Variants in EYS observed in about 807,000 individuals in gnomAD.
The protein encoded by EYS is EGF-like photoreceptor maintenance factor, also known as protein eyes shut homolog.
EYS carries 250 observed loss-of-function variants against 282.1 expected under a neutral mutation model. That is an observed-to-expected ratio of 0.89 (90% CI 0.80 to 0.98). The LOEUF is 0.98. Ranked by LOEUF, EYS falls within the 50% of genes least tolerant of loss-of-function variation. EYS has a pLI of 0.00. For synonymous variants in EYS, 1,355 were observed against 1,282.9 expected, an observed-to-expected ratio of 1.06 and a Z score of -1.20; for missense variants, 4,016 against 3,709.0, an observed-to-expected ratio of 1.08 and a Z score of -2.15.
At chr6:63,834,030 C>A (rs892711339) in intron 36 of EYS, among the ~76,000 whole-genome samples, 5 of 152,160 alleles carry the variant, frequency 3.3e-5, no homozygotes, top group Non-Finnish European at 5.9e-5. Context: ...AAACTGGATT[C>A]CTTCCTTACA....
intron 11 of EYS, chr6:65,300,733 C>G (rs186778808): frequency 6.6e-6 from 1 of 152,182 alleles, no homozygotes; most frequent in Non-Finnish European, 1.5e-5. Context: ...TTTAAGAACT[C>G]TCTAATTCTC....
intron 36 of EYS, among the ~76,000 whole-genome samples, chr6:63,812,022 C>G (rs756921338): frequency 9.2e-5 from 14 of 152,170 alleles, no homozygotes; most frequent in Non-Finnish European, 1.6e-4. Flanking sequence ...GTGTTGCTAC[C>G]TTTATCACTT....
intron 12 of EYS, among the ~76,000 whole-genome samples, chr6:65,199,138 CA>C (rs1376025406): frequency 6.6e-6 from 1 of 152,064 alleles, no homozygotes; most frequent in Non-Finnish European, 1.5e-5. Context: ...AGATCTACCC[CA>C]ATGAGATGCT....
chr6:65,182,681 T>C (rs1056310438), intron 12 of EYS, among the ~76,000 whole-genome samples: 1 of 151,968 alleles, frequency 6.6e-6, no homozygotes, highest in Non-Finnish European at 1.5e-5. Flanking sequence ...AGTAGATATA[T>C]AATTTTTTAT....
At position 65,295,908 on chromosome 6, in the gene EYS, G is replaced by A; in HGVS notation, c.1978C>T (p.His660Tyr). 1 of 1,550,266 alleles carries A rather than the reference G, an allele frequency of 6.5e-7. No individual in the cohort carries two copies. The highest frequency in any genetic ancestry group is 8.7e-7 in the Non-Finnish European group (1 of 1,146,264). The part of the protein sequence containing the change: ...ASCKNGTTST[H>Y]LRGYFFRKCV... The stretch of plus-strand genomic sequence containing the variant: ...TTGCGGAAGAAATATCCCCTTAAAT[G>A]TGTACTAGTTGTTCCATTTTTGCAG... The change falls in exon 12 of 43, where the codon CAT becomes TAT. Residue 660 changes from histidine (H) to tyrosine (Y), a missense_variant. Transcript: ENST00000503581.
At chr6:65,354,898 A>G (rs542367650) in intron 8 of EYS, among the ~76,000 whole-genome samples, 2 of 151,972 alleles carry the variant, frequency 1.3e-5, no homozygotes, top group Non-Finnish European at 2.9e-5. Flanking sequence ...AATGATTACC[A>G]AAAAATACAA....
intron 19 of EYS, among the ~76,000 whole-genome samples, chr6:64,866,045 T>A (rs1267015779): frequency 6.6e-6 from 1 of 152,040 alleles, no homozygotes; most frequent in Non-Finnish European, 1.5e-5. Context: ...AGATTATGAT[T>A]TATTACCAGA....
At chr6:64,060,615 G>T (rs897876857) in intron 33 of EYS, among the ~76,000 whole-genome samples, 4 of 152,064 alleles carry the variant, frequency 2.6e-5, no homozygotes, top group African/African-American at 9.7e-5. Flanking sequence ...AAACAACTGT[G>T]AGAAATGAGC....
intron 30 of EYS, among the ~76,000 whole-genome samples, chr6:64,272,909 A>T (rs1767989121): frequency 6.6e-6 from 1 of 152,102 alleles, no homozygotes; most frequent in Admixed American, 6.5e-5. Flanking sequence ...TTTGGTATTA[A>T]TATGTAGAAA....
intron 13 of EYS, among the ~76,000 whole-genome samples, chr6:65,000,538 G>A (rs750371921): frequency 2.0e-5 from 3 of 152,274 alleles, no homozygotes; most frequent in East Asian, 1.9e-4. Context: ...TCGGGAGGCC[G>A]AGGCAGGTGG....
intron 30 of EYS, among the ~76,000 whole-genome samples, chr6:64,277,188 C>A (rs1363190104): frequency 6.6e-6 from 1 of 152,084 alleles, no homozygotes; most frequent in Non-Finnish European, 1.5e-5. Context: ...TCTCCTAATG[C>A]TTGTCCCCCA....
chr6:64,295,406 G>A (rs71570669), intron 30 of EYS, among the ~76,000 whole-genome samples: 2 of 68 alleles, frequency 0.029, no homozygotes, highest in Non-Finnish European at 0.12. Flanking sequence ...GAAGAGGAAG[G>A]AGAGGAAAGA....
chr6:63,727,154 A>ATT (rs56938467), intron 41 of EYS, among the ~76,000 whole-genome samples: 1,748 of 148,660 alleles, frequency 0.012, 30 homozygotes, highest in African/African-American at 0.041. Context: ...TAATATATTG[A>ATT]TTTTTTTTTT....
chr6:64,826,618 C>T (rs899729929), intron 19 of EYS, among the ~76,000 whole-genome samples: 11 of 150,344 alleles, frequency 7.3e-5, no homozygotes, highest in East Asian at 3.9e-4. Context: ...AAAACATTTT[C>T]GTGCATCAAC....
rs1415764207 is a variant in EYS at position 65,373,968 on chromosome 6, T to C, written c.1299+10418A>G. 4.6e-5 allele frequency among the ~76,000 whole-genome samples: 7 copies of C among 152,322 alleles called. No individual in the cohort carries two copies. In the East Asian group the frequency reaches 1.2e-3, roughly 25 times the overall value. ...ATACTGTCTCAATTTTCCTTTGTGA[T>C]ACAGAAATATAAACTGCGTATGCTT... On this transcript the variant is annotated intron_variant, in intron 8 of 42. Transcript: ENST00000503581.
At position 64,249,766 on chromosome 6, in the gene EYS, G is replaced by A. The variant is rs149998180; in HGVS notation, c.6192-18942C>T. 1.3e-3 allele frequency among the ~76,000 whole-genome samples: 192 copies of A among 152,246 alleles called. 1 individual carries two copies. Among genetic ancestry groups the A allele is most frequent in the African/African-American group, 4.3e-3 (180 of 41,552 alleles). ...TCCTGGAGAGAGGAATGCATCTACC[G>A]CAAACTTGTACTTAACGGATAGAGA... is the stretch of plus-strand genomic sequence containing the variant. On this transcript the variant is annotated intron_variant, in intron 30 of 42. Transcript: ENST00000503581.
rs149956291 is a variant in EYS at position 64,175,128 on chromosome 6, A to G, written c.6424+55464T>C. ...TTTTCTTGTTATAAATTTATTCCTG[A>G]ATAAGTATCTTCTCTTTAGGCTTTA... On this transcript the variant is annotated intron_variant, in intron 31 of 42. Transcript: ENST00000503581. 3.0e-3 allele frequency among the ~76,000 whole-genome samples: 456 copies of G among 152,270 alleles called. 4 individuals are homozygous for G. The highest frequency in any genetic ancestry group is 0.01 in the African/African-American group (426 of 41,566).
chr6:65,253,620 A>G (rs1466907773), intron 12 of EYS, among the ~76,000 whole-genome samples: 3 of 151,996 alleles, frequency 2.0e-5, no homozygotes, highest in East Asian at 3.9e-4. Context: ...AAATTATTCT[A>G]AAAACAATAT....
At chr6:64,048,616 T>C (rs35056095) in intron 33 of EYS, among the ~76,000 whole-genome samples, 32,564 of 152,010 alleles carry the variant, frequency 0.21, 3,733 homozygotes, top group Middle Eastern at 0.34. Flanking sequence ...TGTTTTTCAT[T>C]TAATTATTTT....
Sources: allele counts gnomAD v4.1 joint callset (sites outside exome capture counted in the v4.1 genomes callset), GRCh38; gene constraint gnomAD v4.1.1; transcripts MANE v1.5; gene names NCBI Gene and HGNC (gene_info 2026-07-23, HGNC 2026-07-21).